The following PSD2 variants were observed in gnomAD, a reference collection of about 807,000 sequenced individuals.
The protein encoded by PSD2 is PH and SEC7 domain-containing protein 2.
PSD2 carries 38 observed loss-of-function variants against 69.8 expected under a neutral mutation model. That is an observed-to-expected ratio of 0.54 (90% CI 0.42 to 0.71). The LOEUF is 0.71. Among genes scored for constraint, PSD2 ranks in the 30% least tolerant of loss-of-function variants. The probability of loss-of-function intolerance (pLI) is 0.00; values close to 1 mark genes in which losing one functional copy is unlikely to be tolerated. For synonymous variants in PSD2, 412 were observed against 423.0 expected (o/e 0.97, Z 0.32); for missense variants, 943 against 1,014.5 (o/e 0.93, Z 0.96).
At chr5:139,817,439 C>T (rs570447589) in intron 4 of PSD2, 42 bp from the exon 5 acceptor site, 10 of 1,563,392 alleles carry the variant, frequency 6.4e-6, no homozygotes, top group Middle Eastern at 1.7e-4. Context: ...CATCCTTGGG[C>T]TGGACCCTGC....
chr5:139,785,859 T>C, the PSD2 span, among the ~76,000 whole-genome samples: 4,224 of 152,108 alleles, frequency 0.028, 88 homozygotes, highest in Non-Finnish European at 0.045. Context: ...AAGGCTGAGG[T>C]GGGAAGATCG....
the PSD2 span, among the ~76,000 whole-genome samples, chr5:139,768,704 C>G: frequency 7.0e-5 from 10 of 141,894 alleles, no homozygotes; most frequent in Non-Finnish European, 1.1e-4. Flanking sequence ...GCCTGGGCAA[C>G]AAGAGCAAAA....
chr5:139,841,423 A>T (rs577995811), intron 14 of PSD2, among the ~76,000 whole-genome samples: 1 of 152,344 alleles, frequency 6.6e-6, no homozygotes, highest in African/African-American at 2.4e-5. Flanking sequence ...CCATCAATGA[A>T]CACTTGGCTT....
rs141578287 is a variant in PSD2 at position 139,841,720 on chromosome 5, C to T, written c.2113-551C>T. ...GTAGTAAGAGTGTGAATTGATATCTCATTGTGACTTGCATTTCTCTAATGA... is the reference window on the plus strand; with the variant it reads ...GTAGTAAGAGTGTGAATTGATATCTTATTGTGACTTGCATTTCTCTAATGA... On this transcript the variant is annotated intron_variant, in intron 14 of 14. Transcript: ENST00000274710. Among the ~76,000 whole-genome samples, 4 of 152,352 alleles carry T rather than the reference C, an allele frequency of 2.6e-5. No homozygotes were observed. The East Asian group carries it at 7.7e-4, about 29-fold the overall frequency.
upstream of PSD2, among the ~76,000 whole-genome samples, chr5:139,791,297 G>T (rs1304893104): frequency 2.0e-5 from 3 of 152,152 alleles, no homozygotes; most frequent in African/African-American, 7.2e-5. Context: ...GGGTATAGTG[G>T]TGCATGCCTG....
chr5:139,817,707 C>T, intron 5 of PSD2, 146 bp downstream of exon 5: 1 of 665,316 alleles, frequency 1.5e-6, no homozygotes, highest in South Asian at 1.9e-5. Flanking sequence ...GCCACAGGAG[C>T]AGCAGCGGCC....
Position 139,837,060 on chromosome 5 carries a change from C to A in PSD2, c.1594+59C>A. 1 of 1,593,248 alleles carries A rather than the reference C, an allele frequency of 6.3e-7. No homozygotes were observed. The highest frequency in any genetic ancestry group is 8.6e-7 in the Non-Finnish European group (1 of 1,165,714). ...GAGGCTGGCACAGAGGGGGGCGCCA[C>A]GGGCCACTCTTTGGGGACGAACATA... is the stretch of plus-strand genomic sequence containing the variant. On this transcript the variant is annotated intron_variant, in intron 10 of 14. Transcript: ENST00000274710. This position sits in a 1 kb window ranked among gnomAD's most constrained non-coding sequence, Gnocchi z 5.0.
At position 139,814,131 on chromosome 5, in the gene PSD2, G is replaced by A. The variant is rs754902941; in HGVS notation, c.822-39G>A. 6.2e-7 allele frequency: 1 copy of A among 1,600,182 alleles called. No homozygotes were observed. The highest frequency in any genetic ancestry group is 1.1e-5 in the South Asian group (1 of 89,322). ...CCTCCTCTGGGGCCTTTGACCCTGG[G>A]CCTCTGACGCTACTCTTCCACCCAC... On this transcript the variant is annotated intron_variant, in intron 3 of 14. Transcript: ENST00000274710. The surrounding 1 kb of genome is among the most constrained non-coding windows in gnomAD (Gnocchi z 4.4).
chr5:139,838,618 C>T lies in PSD2; in HGVS notation c.1824-10C>T. 2.5e-6 allele frequency: 4 copies of T among 1,609,278 alleles called. No individual in the cohort carries two copies. Among genetic ancestry groups the T allele is most frequent in the Admixed American group, 1.7e-5 (1 of 59,870 alleles). On this transcript the variant is annotated splice_polypyrimidine_tract_variant and intron_variant, in intron 12 of 14. Coordinates refer to ENST00000274710, the MANE Select transcript of PSD2 (RefSeq NM_032289.4). Reference sequence around the variant, plus strand: ...GAGAGGCCGGCACCCTCTCCCCCTCCTGTCCCCAGGAGCAAGGAAGAAATG... The same window carrying T: ...GAGAGGCCGGCACCCTCTCCCCCTCTTGTCCCCAGGAGCAAGGAAGAAATG...
At chr5:139,749,976 C>T in the PSD2 span, among the ~76,000 whole-genome samples, 3 of 150,784 alleles carry the variant, frequency 2.0e-5, no homozygotes, top group Non-Finnish European at 4.4e-5. Flanking sequence ...GGCAGTGAGC[C>T]GTGATTGTGC....
the PSD2 span, among the ~76,000 whole-genome samples, chr5:139,771,836 C>T: frequency 6.6e-6 from 1 of 152,096 alleles, no homozygotes; most frequent in South Asian, 2.1e-4. Context: ...ATGCTGTTGC[C>T]CCTGGCCTTG....
chr5:139,781,634 C>CTT, the PSD2 span, among the ~76,000 whole-genome samples: 1 of 143,722 alleles, frequency 7.0e-6, no homozygotes, highest in Non-Finnish European at 1.5e-5. Flanking sequence ...GGCGCCTGGC[C>CTT]TTTTTTTTTT....
intron 7 of PSD2, among the ~76,000 whole-genome samples, chr5:139,826,902 G>C (rs1023277865): frequency 6.6e-6 from 1 of 152,248 alleles, no homozygotes; most frequent in African/African-American, 2.4e-5. Flanking sequence ...TTGCTGGAGA[G>C]AGCTGGTACC....
upstream of PSD2, among the ~76,000 whole-genome samples, chr5:139,790,973 C>T (rs929165978): frequency 1.3e-5 from 2 of 152,076 alleles, no homozygotes; most frequent in African/African-American, 4.8e-5. Flanking sequence ...ATCGCTTGAA[C>T]CCAGGAGGTG....
chr5:139,823,061 A>G (rs960479345), intron 7 of PSD2, among the ~76,000 whole-genome samples: 17 of 152,144 alleles, frequency 1.1e-4, no homozygotes, highest in Admixed American at 6.5e-5. Context: ...CTAAGAGATC[A>G]TGTGCCCTTT....
rs1023780928 is a variant in PSD2 at position 139,809,763 on chromosome 5, A to T, written c.323A>T (p.Asp108Val). 6.8e-6 allele frequency: 11 copies of T among 1,614,134 alleles called. No homozygotes were observed. The highest frequency in any genetic ancestry group is 3.3e-5 in the Admixed American group (2 of 60,020). ...AGGGCTGGCGTGCTGGCAGAGGGGG[A>T]CAATGCTTCCAGGAGCCTCTACCCA... is the stretch of plus-strand genomic sequence containing the variant. Reference protein sequence around the residue: ...PWRAGVLAEGDNASRSLYPDA... With the variant: ...PWRAGVLAEGVNASRSLYPDA... Residue 108 changes from aspartate (D) to valine (V), a missense_variant, in exon 2 of 15, where the codon GAC (aspartate) becomes GTC (valine). By Grantham distance (152) the Asp-to-Val change is radical (BLOSUM62 -3). Around this residue, in one of 3 missense-constraint regions of PSD2, gnomAD observed 466 missense variants for 445.0 expected, o/e 1.05. Transcript: ENST00000274710.
At chr5:139,762,771 C>G in the PSD2 span, among the ~76,000 whole-genome samples, 6 of 152,114 alleles carry the variant, frequency 3.9e-5, no homozygotes. Flanking sequence ...CAGAGCCAGC[C>G]CCCTTTCCTG....
rs551007881 is a variant in PSD2, at chr5:139,838,615, C to T, written c.1824-13C>T. On this transcript the variant is annotated splice_polypyrimidine_tract_variant and intron_variant, in intron 12 of 14. Coordinates refer to ENST00000274710, the MANE Select transcript of PSD2 (RefSeq NM_032289.4). ...TGTGAGAGGCCGGCACCCTCTCCCC[C>T]TCCTGTCCCCAGGAGCAAGGAAGAA... is the stretch of plus-strand genomic sequence containing the variant. 37 of 1,608,786 alleles carry T rather than the reference C, an allele frequency of 2.3e-5. No individual in the cohort carries two copies. Among genetic ancestry groups the T allele is most frequent in the Middle Eastern group, 1.7e-4 (1 of 6,038 alleles).
chr5:139,791,323 G>C (rs562991293), upstream of PSD2, among the ~76,000 whole-genome samples: 51 of 152,284 alleles, frequency 3.3e-4, 2 homozygotes, highest in African/African-American at 1.2e-3. Flanking sequence ...CTAGCTACTG[G>C]GGAGGCTGAG....
Sources: gnomAD v4.1 joint callset for allele counts (sites outside exome capture counted in the v4.1 genomes callset) on GRCh38, gnomAD v4.1.1 for gene constraint, gnomAD v4.1.1 regional missense constraint, Gnocchi (gnomAD v3.1) non-coding constraint, MANE v1.5 for transcripts, NCBI Gene and HGNC (gene_info 2026-07-23, HGNC 2026-07-21) for gene names.